The following PALLD variants were observed in gnomAD, a reference collection of about 807,000 sequenced individuals.
PALLD encodes the protein palladin.
A neutral mutation model predicts 123.5 loss-of-function variants in PALLD; 61 were observed. The observed-to-expected ratio is 0.49, with a 90% CI of 0.40 to 0.61. The LOEUF (loss-of-function observed/expected upper bound fraction) is 0.61, where lower values mean the gene tolerates loss of function less well. Among genes scored for constraint, PALLD ranks in the 20% least tolerant of loss-of-function variants. The pLI is 0.00. For synonymous variants in PALLD, 465 were observed against 496.4 expected, an observed-to-expected ratio of 0.94 and a Z score of 0.84; for missense variants, 1,273 against 1,377.0, an observed-to-expected ratio of 0.92 and a Z score of 1.20.
intron 1 of PALLD, among the ~76,000 whole-genome samples, chr4:168,497,978 C>T (rs1215032507): frequency 6.6e-6 from 1 of 152,156 alleles, no homozygotes. Flanking sequence ...AATGTGGTGA[C>T]ATATAAAGCC....
intron 10 of PALLD, among the ~76,000 whole-genome samples, chr4:168,742,663 T>C (rs1229195753): frequency 6.6e-6 from 1 of 152,152 alleles, no homozygotes; most frequent in African/African-American, 2.4e-5. Context: ...TAATCAGAAT[T>C]TTTTAGTAGT....
At chr4:168,583,158 A>G (rs947730954) in intron 2 of PALLD, among the ~76,000 whole-genome samples, 1 of 152,216 alleles carries the variant, frequency 6.6e-6, no homozygotes, top group African/African-American at 2.4e-5. Flanking sequence ...GTACAAAACT[A>G]AAATAAATAC....
At chr4:168,563,145 T>C (rs1580331329) in intron 2 of PALLD, among the ~76,000 whole-genome samples, 1 of 152,076 alleles carries the variant, frequency 6.6e-6, no homozygotes, top group Non-Finnish European at 1.5e-5. Context: ...AACTGGTGGG[T>C]GGGCAGGTTT....
chr4:168,798,975 G>C (rs939032490), intron 10 of PALLD, among the ~76,000 whole-genome samples: 1 of 152,114 alleles, frequency 6.6e-6, no homozygotes, highest in African/African-American at 2.4e-5. Flanking sequence ...ATCATGAATC[G>C]GGCAGCCCGC....
intron 9 of PALLD, among the ~76,000 whole-genome samples, chr4:168,709,517 A>C (rs929733242): frequency 3.0e-3 from 1 of 328 alleles, no homozygotes; most frequent in Non-Finnish European, 9.3e-3. Flanking sequence ...CAAGGAAGGA[A>C]GGAAGGAAGG....
At chr4:168,754,212 A>G (rs1006536058) in intron 10 of PALLD, among the ~76,000 whole-genome samples, 5 of 152,220 alleles carry the variant, frequency 3.3e-5, no homozygotes, top group African/African-American at 1.2e-4. Context: ...CTGCTAATCT[A>G]TACCTCAGGA....
At chr4:168,547,057 T>C (rs139937591) in intron 2 of PALLD, among the ~76,000 whole-genome samples, 12 of 152,110 alleles carry the variant, frequency 7.9e-5, no homozygotes, top group Non-Finnish European at 1.8e-4. Context: ...AACCTGTTCA[T>C]ACATTTTAGA....
chr4:168,762,263 A>G (rs1372820530), intron 10 of PALLD, among the ~76,000 whole-genome samples: 1 of 152,164 alleles, frequency 6.6e-6, no homozygotes, highest in Non-Finnish European at 1.5e-5. Context: ...GCTTGAGTCC[A>G]GGAGTTTGAG....
chr4:168,812,793 T>A (rs894923715), intron 10 of PALLD, among the ~76,000 whole-genome samples: 1 of 151,948 alleles, frequency 6.6e-6, no homozygotes, highest in Non-Finnish European at 1.5e-5. Context: ...TAATGAAGAG[T>A]GTATGTGTGT....
chr4:168,786,818 ACT>A (rs548720251), intron 10 of PALLD, among the ~76,000 whole-genome samples: 39 of 152,188 alleles, frequency 2.6e-4, no homozygotes, highest in Non-Finnish European at 4.7e-4. Flanking sequence ...AAATTATAAC[ACT>A]GTTATTAATT....
At position 168,772,948 on chromosome 4, in the gene PALLD, G is replaced by A. The variant is rs142384348; in HGVS notation, c.1964+61025G>A. Reference sequence around the variant, plus strand: ...ACGGCTGCTCATGCTTGCTCTCTTGGGCATGGAGTGGGTCACTGGCTGGAC... The same window carrying A: ...ACGGCTGCTCATGCTTGCTCTCTTGAGCATGGAGTGGGTCACTGGCTGGAC... On this transcript the variant is annotated intron_variant, in intron 10 of 21. Coordinates refer to ENST00000505667, the MANE Select transcript of PALLD (RefSeq NM_001166108.2). Among the ~76,000 whole-genome samples, 1,176 of 152,216 alleles carry A rather than the reference G, an allele frequency of 7.7e-3. 5 individuals carry two copies. Among genetic ancestry groups the A allele is most frequent in the Middle Eastern group, 0.024 (7 of 294 alleles).
chr4:168,608,651 G>A (rs6853704), intron 2 of PALLD, among the ~76,000 whole-genome samples: 26,030 of 151,916 alleles, frequency 0.17, 2,339 homozygotes, highest in East Asian at 0.32. Context: ...TGATATCCAG[G>A]GCTGTTTGTT....
In PALLD at chr4:168,832,061, A is replaced by C. The variant is rs1348567435; in HGVS notation, c.1965-58861A>C. 6.1e-6 allele frequency: 6 copies of C among 985,150 alleles called. No individual in the cohort carries two copies. The East Asian group carries it at 5.7e-4, about 93-fold the overall frequency. The allele number at this position is 985,150 out of a possible 1,614,324, so 61.0% of individuals were successfully genotyped here. ...AGCCTCCTGAGTCACCCGGCGGGCG[A>C]GGTATAAAGCCCGATACCTGCCCCG... On this transcript the variant is annotated intron_variant, in intron 10 of 21. Transcript: ENST00000505667.
intron 2 of PALLD, among the ~76,000 whole-genome samples, chr4:168,581,023 A>T (rs1170583845): frequency 1.3e-5 from 2 of 151,914 alleles, no homozygotes; most frequent in Admixed American, 6.6e-5. Context: ...AAACTGTCAG[A>T]TACTATGATT....
chr4:168,640,445 T>A (rs1776826297), intron 2 of PALLD, among the ~76,000 whole-genome samples: 1 of 152,160 alleles, frequency 6.6e-6, no homozygotes, highest in South Asian at 2.1e-4. Context: ...CCCTCATGGC[T>A]CCAGGATTGG....
intron 10 of PALLD, among the ~76,000 whole-genome samples, chr4:168,813,087 T>C (rs1300982313): frequency 8.0e-6 from 1 of 125,676 alleles, no homozygotes; most frequent in Non-Finnish European, 1.7e-5. Flanking sequence ...TTTTTCTTTC[T>C]TTTGAAAAAC....
At chr4:168,917,350 C>T (rs975586236) in intron 17 of PALLD, among the ~76,000 whole-genome samples, 2 of 152,092 alleles carry the variant, frequency 1.3e-5, no homozygotes, top group African/African-American at 4.8e-5. Context: ...ACCCGGCCTA[C>T]AGCAAGGCTT....
chr4:168,913,923 A>G lies in PALLD; in HGVS notation c.2623-4A>G. 2 of 1,595,346 alleles carry G rather than the reference A, an allele frequency of 1.3e-6. No homozygotes were observed. The highest frequency in any genetic ancestry group is 1.7e-6 in the Non-Finnish European group (2 of 1,162,848). On this transcript the variant is annotated splice_region_variant and splice_polypyrimidine_tract_variant and intron_variant, in intron 15 of 21. Coordinates refer to ENST00000505667, the MANE Select transcript of PALLD (RefSeq NM_001166108.2). ...AAATCATTTATTTCCTGATATTTCT[A>G]CAGGGCCGCATCAGTTGTACTGGAC...
chr4:168,545,342 C>T (rs1270636127), intron 2 of PALLD, among the ~76,000 whole-genome samples: 2 of 152,066 alleles, frequency 1.3e-5, no homozygotes, highest in African/African-American at 4.8e-5. Flanking sequence ...GCCTGGCCAA[C>T]ATGGTGAAAC....
Sources: gnomAD v4.1 joint callset for allele counts (sites outside exome capture counted in the v4.1 genomes callset) on GRCh38, gnomAD v4.1.1 for gene constraint, MANE v1.5 for transcripts, NCBI Gene and HGNC (gene_info 2026-07-23, HGNC 2026-07-21) for gene names.